ZFHX3: variants seen among roughly 807,000 people sequenced by gnomAD.
ZFHX3 encodes the protein zinc finger homeobox protein 3.
A neutral mutation model predicts 279.1 loss-of-function variants in ZFHX3; 42 were observed. That is an observed-to-expected ratio of 0.15 (90% CI 0.12 to 0.19). The LOEUF (loss-of-function observed/expected upper bound fraction) is 0.19. Among genes scored for constraint, ZFHX3 ranks in the 10% least tolerant of loss-of-function variants. The probability of loss-of-function intolerance (pLI) is 1.00; values close to 1 mark genes in which losing one functional copy is unlikely to be tolerated. For missense variants in ZFHX3, 4,981 were observed against 4,754.0 expected, an observed-to-expected ratio of 1.05 and a Z score of -1.40; for synonymous variants, 2,293 against 1,957.8, an observed-to-expected ratio of 1.17 and a Z score of -4.52.
At chr16:73,404,387 TC>T (rs1366732979) in intron 3 of ZFHX3, among the ~76,000 whole-genome samples, 1 of 152,288 alleles carries the variant, frequency 6.6e-6, no homozygotes, top group East Asian at 1.9e-4. Flanking sequence ...TTTTTCTACT[TC>T]CTAAAACAGG....
chr16:73,301,052 T>G (rs549073243), intron 4 of ZFHX3, among the ~76,000 whole-genome samples: 1 of 152,300 alleles, frequency 6.6e-6, no homozygotes, highest in Admixed American at 6.5e-5. Flanking sequence ...ATGTTCAGCA[T>G]CTGGACACTC....
chr16:73,520,880 A>G (rs926241976), intron 2 of ZFHX3, among the ~76,000 whole-genome samples: 20 of 152,228 alleles, frequency 1.3e-4, no homozygotes, highest in African/African-American at 4.3e-4. Context: ...TCTACACCAA[A>G]GTGATACTGA....
intron 8 of ZFHX3, among the ~76,000 whole-genome samples, chr16:73,083,657 G>C (rs983075490): frequency 1.3e-5 from 2 of 152,128 alleles, no homozygotes; most frequent in African/African-American, 2.4e-5. Flanking sequence ...AGCCTTCTGA[G>C]TACCTGGGAC....
intron 1 of ZFHX3, among the ~76,000 whole-genome samples, chr16:73,057,510 G>A (rs1398712102): frequency 1.4e-5 from 2 of 146,456 alleles, no homozygotes; most frequent in South Asian, 2.2e-4. Flanking sequence ...GGAACCCAAC[G>A]TAAACAATCC....
chr16:73,507,145 T>C (rs1597362558), intron 2 of ZFHX3, among the ~76,000 whole-genome samples: 3 of 152,252 alleles, frequency 2.0e-5, no homozygotes, highest in African/African-American at 7.2e-5. Context: ...ATATAGCTTT[T>C]CTGATTCCTT....
chr16:73,773,671 T>G (rs527689767), intron 1 of ZFHX3, among the ~76,000 whole-genome samples: 1 of 152,340 alleles, frequency 6.6e-6, no homozygotes, highest in Admixed American at 6.5e-5. Context: ...TTGGGCACAG[T>G]GCAGAAGTGA....
rs115055241 is a variant in ZFHX3 at position 73,706,685 on chromosome 16, C to T, written c.-1607-26445G>A. Among the ~76,000 whole-genome samples the T allele has an allele frequency of 4.3e-3, 655 of 152,240 alleles. 3 individuals are homozygous for T. Among genetic ancestry groups the T allele is most frequent in the African/African-American group, 0.015 (609 of 41,526 alleles). ...TTGCTGGTCCCATAACAGTCTAGAG[C>T]TTTTCTGCCTCTGTGTCTTTGCCAA... On this transcript the variant is annotated intron_variant, in intron 1 of 17. Transcript: ENST00000641206.
Position 73,036,688 on chromosome 16 carries a change from G to A in ZFHX3, c.-50+11064C>T, listed in dbSNP as rs541359532. Among the ~76,000 whole-genome samples the A allele has an allele frequency of 9.2e-5, 14 of 152,208 alleles. No individual in the cohort carries two copies. In the South Asian group the frequency reaches 2.9e-3, roughly 32 times the overall value. On this transcript the variant is annotated intron_variant, in intron 1 of 9. Transcript: ENST00000268489. ...GTGTATCAGGGGAACTGCCCCTCCCGGCGCTTTGATCCCCTCGGTCGGTCG... is the reference window on the plus strand; with the variant it reads ...GTGTATCAGGGGAACTGCCCCTCCCAGCGCTTTGATCCCCTCGGTCGGTCG...
intron 4 of ZFHX3, among the ~76,000 whole-genome samples, chr16:72,833,566 C>G (rs1327841121): frequency 6.6e-6 from 1 of 152,168 alleles, no homozygotes; most frequent in African/African-American, 2.4e-5. Flanking sequence ...AAGGCTGAAA[C>G]AGACAAATCA....
Position 72,950,681 on chromosome 16 carries a change from G to A in ZFHX3, c.3004C>T (p.His1002Tyr). The A allele has an allele frequency of 6.2e-7, 1 of 1,614,224 alleles. No individual in the cohort carries two copies. Among genetic ancestry groups the A allele is most frequent in the Non-Finnish European group, 8.5e-7 (1 of 1,180,036 alleles). ...TGCACGTGCTTGTCTGTCTTGCAGT[G>A]CAGCTGGAAGTTGGCCTTGAGCTGG... is the stretch of plus-strand genomic sequence containing the variant. ...NTQLKANFQL[H>Y]CKTDKHVQKY... Residue 1002 changes from histidine to tyrosine, a missense_variant, in exon 3 of 10, where the codon CAC (histidine) becomes TAC (tyrosine). His to Tyr is a moderately conservative substitution (Grantham distance 83). Coordinates refer to ENST00000268489, the MANE Select transcript of ZFHX3 (RefSeq NM_006885.4).
rs115830944 is a variant in ZFHX3 at position 73,685,839 on chromosome 16, G to A, written c.-1607-5599C>T. ...AGCAAATGCTCTTTTATGAGCACCC[G>A]ACAATGTGAGATCCAGATAGGCTGT... On this transcript the variant is annotated intron_variant, in intron 1 of 17. Transcript: ENST00000641206. Among the ~76,000 whole-genome samples, 950 of 152,254 alleles carry A rather than the reference G, an allele frequency of 6.2e-3. 10 individuals are homozygous for A. The highest frequency in any genetic ancestry group is 0.021 in the African/African-American group (886 of 41,540).
chr16:73,157,858 C>G (rs1018796031), intron 5 of ZFHX3, among the ~76,000 whole-genome samples: 17 of 152,040 alleles, frequency 1.1e-4, no homozygotes, highest in African/African-American at 3.9e-4. Context: ...AGAGAAGAGC[C>G]TCTGAGAGAG....
At chr16:73,786,690 T>C (rs1427387384) in intron 1 of ZFHX3, among the ~76,000 whole-genome samples, 1 of 152,198 alleles carries the variant, frequency 6.6e-6, no homozygotes, top group East Asian at 1.9e-4. Flanking sequence ...ATTCCATGGG[T>C]GCCTGATACC....
At chr16:73,386,022 G>T (rs951765814) in intron 3 of ZFHX3, among the ~76,000 whole-genome samples, 1 of 152,090 alleles carries the variant, frequency 6.6e-6, no homozygotes, top group African/African-American at 2.4e-5. Context: ...GATGCGGTTT[G>T]GTCTAACACA....
At chr16:72,903,794 G>A (rs2039099672) in intron 3 of ZFHX3, among the ~76,000 whole-genome samples, 1 of 152,122 alleles carries the variant, frequency 6.6e-6, no homozygotes, top group South Asian at 2.1e-4. Flanking sequence ...AAGCTCTAAG[G>A]GATCAGCAGA....
chr16:72,793,332 G>A lies in ZFHX3; in HGVS notation c.9350C>T (p.Ala3117Val), dbSNP rs375039347. The A allele has an allele frequency of 5.0e-5, 80 of 1,614,154 alleles. No individual in the cohort carries two copies. Among genetic ancestry groups the A allele is most frequent in the Middle Eastern group, 3.3e-4 (2 of 6,062 alleles). ...QALNLPTAYP[A>V]LQGIPPVLLP... ...CAACACAGGAGGAATGCCCTGGAGCGCTGGATATGCTGTAGGAAGGTTAAG... is the reference window on the plus strand; with the variant it reads ...CAACACAGGAGGAATGCCCTGGAGCACTGGATATGCTGTAGGAAGGTTAAG... Residue 3117 changes from alanine (A) to valine (V), a missense_variant, in exon 9 of 10, where the codon GCG becomes GTG. Ala to Val is a moderately conservative substitution (Grantham distance 64). Around this residue, in one of 7 missense-constraint regions of ZFHX3, gnomAD observed 1,034 missense variants for 786.0 expected, o/e 1.32. Coordinates refer to ENST00000268489, the MANE Select transcript of ZFHX3 (RefSeq NM_006885.4). This position sits in a 1 kb window ranked among gnomAD's most constrained non-coding sequence, Gnocchi z 4.3.
intron 1 of ZFHX3, among the ~76,000 whole-genome samples, chr16:72,975,346 G>C (rs1426553862): frequency 1.3e-5 from 2 of 152,218 alleles, no homozygotes; most frequent in East Asian, 1.9e-4. Context: ...AGGAGGCTGA[G>C]GCAGCAGAAT....
At chr16:73,585,770 G>A (rs1323781217) in intron 2 of ZFHX3, among the ~76,000 whole-genome samples, 3 of 152,150 alleles carry the variant, frequency 2.0e-5, no homozygotes, top group Non-Finnish European at 4.4e-5. Context: ...AGGAGCAGTT[G>A]GTAGGTAGTA....
At chr16:73,601,001 T>C (rs1331790542) in intron 2 of ZFHX3, among the ~76,000 whole-genome samples, 2 of 88,710 alleles carry the variant, frequency 2.3e-5, no homozygotes, top group East Asian at 4.9e-4. Context: ...AGTGATAGCC[T>C]TTTTTGTTTC....
Sources: allele counts gnomAD v4.1 joint callset (sites outside exome capture counted in the v4.1 genomes callset), GRCh38; gene constraint gnomAD v4.1.1; regional missense constraint gnomAD v4.1.1; non-coding constraint Gnocchi (gnomAD v3.1); transcripts MANE v1.5; gene names NCBI Gene and HGNC (gene_info 2026-07-23, HGNC 2026-07-21).